Variants in COX7B2 observed in about 807,000 individuals in gnomAD.
The protein encoded by COX7B2 is cytochrome c oxidase subunit 7B2.
For missense variants in COX7B2, 109 were observed against 95.9 expected (o/e 1.14, Z -0.57); for synonymous variants, 37 against 32.1 (o/e 1.15, Z -0.51).
intron 1 of COX7B2, among the ~76,000 whole-genome samples, chr4:46,857,014 A>G (rs1312482894): frequency 6.6e-6 from 1 of 152,230 alleles, no homozygotes; most frequent in Non-Finnish European, 1.5e-5. Flanking sequence ...TCAAGTAATC[A>G]GATGTAAAAA....
At chr4:46,850,862 C>CA (rs1179961978) in intron 1 of COX7B2, among the ~76,000 whole-genome samples, 1 of 151,982 alleles carries the variant, frequency 6.6e-6, no homozygotes, top group Non-Finnish European at 1.5e-5. Flanking sequence ...CCAGAATTGA[C>CA]AAGATTACCA....
At chr4:46,880,257 A>G (rs1718622832) in intron 1 of COX7B2, among the ~76,000 whole-genome samples, 1 of 152,138 alleles carries the variant, frequency 6.6e-6, no homozygotes, top group Non-Finnish European at 1.5e-5. Context: ...TGTCTCTGCC[A>G]GGTTTTGATA....
At chr4:46,818,432 G>A (rs1479776431) in intron 2 of COX7B2, among the ~76,000 whole-genome samples, 1 of 152,030 alleles carries the variant, frequency 6.6e-6, no homozygotes, top group Non-Finnish European at 1.5e-5. Flanking sequence ...AGGAGATCGC[G>A]ACCATCCTGG....
At chr4:46,869,219 T>C (rs1717848932) in intron 1 of COX7B2, among the ~76,000 whole-genome samples, 1 of 152,204 alleles carries the variant, frequency 6.6e-6, no homozygotes, top group African/African-American at 2.4e-5. Flanking sequence ...TTCTGTTTGC[T>C]TGGTAGATTT....
At chr4:46,820,850 T>TCTATAG (rs1005996825) in intron 2 of COX7B2, among the ~76,000 whole-genome samples, 10 of 146,312 alleles carry the variant, frequency 6.8e-5, no homozygotes, top group African/African-American at 2.5e-4. Context: ...TATATATATA[T>TCTATAG]ATAGATAGAT....
intron 1 of COX7B2, among the ~76,000 whole-genome samples, chr4:46,892,264 A>G (rs1369001643): frequency 6.6e-6 from 1 of 152,232 alleles, no homozygotes; most frequent in Non-Finnish European, 1.5e-5. Flanking sequence ...CTAATTGTTT[A>G]TTCAACTTTA....
intron 1 of COX7B2, among the ~76,000 whole-genome samples, chr4:46,901,627 C>T (rs937247206): frequency 6.6e-6 from 1 of 152,194 alleles, no homozygotes; most frequent in Non-Finnish European, 1.5e-5. Flanking sequence ...TTCCAGAAGA[C>T]ATTAGCATTT....
intron 2 of COX7B2, among the ~76,000 whole-genome samples, chr4:46,785,942 G>T (rs1163743402): frequency 6.6e-6 from 1 of 152,086 alleles, no homozygotes; most frequent in Non-Finnish European, 1.5e-5. Flanking sequence ...TTGGTAAGAA[G>T]AATATAAATA....
At chr4:46,868,473 C>A (rs1401086940) in intron 1 of COX7B2, among the ~76,000 whole-genome samples, 1 of 152,060 alleles carries the variant, frequency 6.6e-6, no homozygotes, top group Non-Finnish European at 1.5e-5. Flanking sequence ...TATTGTTAAT[C>A]TGAGGACTAT....
chr4:46,789,077 GA>G (rs1388243366), intron 2 of COX7B2, among the ~76,000 whole-genome samples: 2 of 152,078 alleles, frequency 1.3e-5, no homozygotes, highest in Non-Finnish European at 2.9e-5. Context: ...TTTTTTTACA[GA>G]AGAGCAAAAT....
intron 2 of COX7B2, among the ~76,000 whole-genome samples, chr4:46,792,021 A>G (rs1718076062): frequency 6.6e-6 from 1 of 152,202 alleles, no homozygotes; most frequent in Non-Finnish European, 1.5e-5. Context: ...TATTTCAGCT[A>G]TCACAAGATC....
At chr4:46,860,576 G>GA (rs1356252361) in intron 1 of COX7B2, among the ~76,000 whole-genome samples, 1 of 152,150 alleles carries the variant, frequency 6.6e-6, no homozygotes, top group African/African-American at 2.4e-5. Context: ...GGTGAATCAG[G>GA]AAATGAAGTC....
At chr4:46,894,264 C>T (rs953098313) in intron 1 of COX7B2, among the ~76,000 whole-genome samples, 1 of 151,990 alleles carries the variant, frequency 6.6e-6, no homozygotes, top group Non-Finnish European at 1.5e-5. Context: ...ACTTCAATAC[C>T]CATATTACAG....
At chr4:46,895,638 TA>T (rs35545101) in intron 1 of COX7B2, among the ~76,000 whole-genome samples, 1 of 152,186 alleles carries the variant, frequency 6.6e-6, no homozygotes, top group Non-Finnish European at 1.5e-5. Flanking sequence ...CCCCTAAACC[TA>T]AAATAAAAGT....
chr4:46,765,624 T>G (rs1317078536), intron 2 of COX7B2, among the ~76,000 whole-genome samples: 1 of 151,940 alleles, frequency 6.6e-6, no homozygotes, highest in East Asian at 1.9e-4. Context: ...GACTGGCTCC[T>G]GTGGTCTCAG....
At chr4:46,865,200 T>G (rs1219265767) in intron 1 of COX7B2, among the ~76,000 whole-genome samples, 1 of 152,128 alleles carries the variant, frequency 6.6e-6, no homozygotes, top group Non-Finnish European at 1.5e-5. Context: ...AGAACATATA[T>G]TTTTTGGTTT....
At chr4:46,765,742 C>G (rs1716494949) in intron 2 of COX7B2, among the ~76,000 whole-genome samples, 1 of 151,880 alleles carries the variant, frequency 6.6e-6, no homozygotes, top group Non-Finnish European at 1.5e-5. Context: ...CCCTGGGGCA[C>G]TAAGCTCAAG....
intron 1 of COX7B2, among the ~76,000 whole-genome samples, chr4:46,846,445 T>C (rs1322445324): frequency 6.6e-6 from 1 of 151,584 alleles, no homozygotes; most frequent in African/African-American, 2.4e-5. Context: ...GGAAAAAAAA[T>C]AGATTGCAAC....
Position 46,849,129 on chromosome 4 carries a change from G to A in COX7B2, c.-104-4115C>T, listed in dbSNP as rs563910001. The stretch of plus-strand genomic sequence containing the variant: ...TGACTATAAAATCCATGGATATGGA[G>A]GGCTAACTATACACACACAGACACA... On this transcript the variant is annotated intron_variant, in intron 1 of 2. Transcript: ENST00000355591. Among the ~76,000 whole-genome samples, 36 of 152,078 alleles carry A rather than the reference G, an allele frequency of 2.4e-4. No individual in the cohort carries two copies. In the South Asian group the frequency reaches 7.1e-3, roughly 30 times the overall value.
Sources: allele counts gnomAD v4.1 joint callset (sites outside exome capture counted in the v4.1 genomes callset), GRCh38; gene constraint gnomAD v4.1.1; transcripts MANE v1.5; gene names NCBI Gene and HGNC (gene_info 2026-07-23, HGNC 2026-07-21).